The following RYR3 variants were observed in gnomAD, a reference collection of about 807,000 sequenced individuals.
RYR3 encodes ryanodine receptor 3.
Under a neutral mutation model 584.3 loss-of-function variants are expected in RYR3, and 207 were observed. The observed-to-expected ratio is 0.35, with a 90% confidence interval of 0.32 to 0.40. RYR3 has a LOEUF of 0.40. RYR3 is among the 10% of genes least tolerant of loss of function. The pLI is 1.00. For missense variants in RYR3, 5,616 were observed against 6,089.2 expected, an observed-to-expected ratio of 0.92 and a Z score of 2.59; for synonymous variants, 2,416 against 2,248.5, an observed-to-expected ratio of 1.07 and a Z score of -2.11.
chr15:33,592,149 C>A (rs1454318716), intron 16 of RYR3, among the ~76,000 whole-genome samples: 2 of 152,188 alleles, frequency 1.3e-5, no homozygotes, highest in African/African-American at 4.8e-5. Flanking sequence ...TGACACACAA[C>A]CCCGTATTGT....
chr15:33,661,614 C>T (rs949560743), intron 34 of RYR3, among the ~76,000 whole-genome samples: 5 of 151,980 alleles, frequency 3.3e-5, no homozygotes, highest in African/African-American at 1.2e-4. Flanking sequence ...GATCATCAGG[C>T]GTTAGATTCT....
chr15:33,722,997 C>G, intron 44 of RYR3, 102 bp downstream of exon 44: 1 of 1,059,236 alleles, frequency 9.4e-7, no homozygotes, highest in Non-Finnish European at 1.4e-6. Context: ...AGCACATGTT[C>G]TTAACAGTTA....
At chr15:33,638,118 C>G (rs1184463816) in intron 27 of RYR3, among the ~76,000 whole-genome samples, 1 of 152,160 alleles carries the variant, frequency 6.6e-6, no homozygotes, top group East Asian at 1.9e-4. Flanking sequence ...CAAATGGAGT[C>G]ATATTTTAAT....
intron 80 of RYR3, among the ~76,000 whole-genome samples, chr15:33,822,544 AT>A (rs1422664938): frequency 6.6e-6 from 1 of 152,112 alleles, no homozygotes; most frequent in Non-Finnish European, 1.5e-5. Context: ...CCTTTTGTTT[AT>A]TTTTTAAAAA....
intron 17 of RYR3, among the ~76,000 whole-genome samples, chr15:33,602,506 A>C (rs1402732127): frequency 6.6e-6 from 1 of 152,158 alleles, no homozygotes; most frequent in Non-Finnish European, 1.5e-5. Flanking sequence ...TTGACCAAAA[A>C]ATGGAACTCA....
At chr15:33,627,623 T>G (rs1283755160) in intron 20 of RYR3, among the ~76,000 whole-genome samples, 1 of 152,222 alleles carries the variant, frequency 6.6e-6, no homozygotes, top group Non-Finnish European at 1.5e-5. Flanking sequence ...GATGTGTTTG[T>G]AGAGACAGTG....
chr15:33,687,625 A>C (rs1316292642), intron 38 of RYR3, among the ~76,000 whole-genome samples: 9 of 152,354 alleles, frequency 5.9e-5, no homozygotes, highest in African/African-American at 1.9e-4. Context: ...AAGGAAAAAG[A>C]ACTAAGCTGG....
chr15:33,436,848 TAA>T (rs2045771760), intron 1 of RYR3, among the ~76,000 whole-genome samples: 1 of 152,190 alleles, frequency 6.6e-6, no homozygotes, highest in Admixed American at 6.5e-5. Context: ...TATTAGCCTT[TAA>T]GTTATTTATT....
At chr15:33,472,811 C>T (rs2049035645) in intron 1 of RYR3, among the ~76,000 whole-genome samples, 1 of 152,092 alleles carries the variant, frequency 6.6e-6, no homozygotes, top group African/African-American at 2.4e-5. Flanking sequence ...TCAGTTCCTC[C>T]TCCTCTTACC....
intron 1 of RYR3, among the ~76,000 whole-genome samples, chr15:33,317,804 C>A (rs945734500): frequency 6.6e-6 from 1 of 152,154 alleles, no homozygotes; most frequent in African/African-American, 2.4e-5. Context: ...ACATTGCTGA[C>A]TCTACAGTCA....
chr15:33,824,800 T>C (rs1394565753), intron 81 of RYR3, among the ~76,000 whole-genome samples: 1 of 152,244 alleles, frequency 6.6e-6, no homozygotes, highest in Non-Finnish European at 1.5e-5. Context: ...CTAAGAGCTA[T>C]GTTCTATGTT....
chr15:33,769,206 A>G (rs774909573), intron 62 of RYR3, 34 bp downstream of exon 62: 2 of 1,461,446 alleles, frequency 1.4e-6, no homozygotes, highest in South Asian at 2.3e-5. Flanking sequence ...ATAGTTTCTC[A>G]TGACTTCCTC....
intron 2 of RYR3, among the ~76,000 whole-genome samples, chr15:33,486,446 A>G (rs1266750663): frequency 6.6e-6 from 1 of 152,172 alleles, no homozygotes; most frequent in Admixed American, 6.5e-5. Flanking sequence ...TATAAAGGAC[A>G]TCAATCACCT....
intron 38 of RYR3, among the ~76,000 whole-genome samples, chr15:33,675,785 TC>T (rs1470616310): frequency 1.3e-5 from 2 of 152,226 alleles, no homozygotes; most frequent in African/African-American, 4.8e-5. Context: ...TTACTTGCCA[TC>T]TTAGGCACAA....
At chr15:33,496,957 C>G (rs1234672363) in intron 2 of RYR3, among the ~76,000 whole-genome samples, 2 of 152,108 alleles carry the variant, frequency 1.3e-5, no homozygotes, top group Non-Finnish European at 2.9e-5. Context: ...AGAAACCATG[C>G]CTTACTTCGT....
chr15:33,405,235 A>G (rs1187140610), intron 1 of RYR3, among the ~76,000 whole-genome samples: 1 of 152,228 alleles, frequency 6.6e-6, no homozygotes, highest in African/African-American at 2.4e-5. Flanking sequence ...AGTGGTTTTC[A>G]TTCCTTGAGG....
At chr15:33,624,316 T>C (rs1275192886) in intron 20 of RYR3, among the ~76,000 whole-genome samples, 1 of 151,678 alleles carries the variant, frequency 6.6e-6, no homozygotes, top group African/African-American at 2.4e-5. Flanking sequence ...AAGAAGCAAA[T>C]GTATTATTTT....
chr15:33,435,894 G>C (rs143080377), intron 1 of RYR3, among the ~76,000 whole-genome samples: 1 of 152,170 alleles, frequency 6.6e-6, no homozygotes, highest in Non-Finnish European at 1.5e-5. Context: ...CTACTGGCTG[G>C]GGTGGCAGCT....
Position 33,755,186 on chromosome 15 carries a change from TATC to T in RYR3, c.8515+12_8515+14del. ...AGAATTTATTGCCCATTTAGGTAAG[TATC>T]ATCATGAAATAACCCAAAAGAATTC... is the stretch of plus-strand genomic sequence containing the variant. On this transcript the variant is annotated splice_region_variant and intron_variant, in intron 58 of 103. Transcript: ENST00000634891. 3 of 1,500,562 alleles carry T rather than the reference TATC, an allele frequency of 2.0e-6. No individual in the cohort carries two copies. The highest frequency in any genetic ancestry group is 2.3e-5 in the East Asian group (1 of 44,270). 93.0% of individuals were successfully genotyped at this position (1,500,562 alleles called of 1,614,324 possible). A position where few individuals can be genotyped will look rare whatever the true frequency, so the allele number is the denominator to read the frequency against.
Sources: allele counts gnomAD v4.1 joint callset (sites outside exome capture counted in the v4.1 genomes callset), GRCh38; gene constraint gnomAD v4.1.1; transcripts MANE v1.5; gene names NCBI Gene and HGNC (gene_info 2026-07-23, HGNC 2026-07-21).